DDX10: variants seen among roughly 807,000 people sequenced by gnomAD.
The protein encoded by DDX10 is probable ATP-dependent RNA helicase DDX10.
Under a neutral mutation model 104.3 loss-of-function variants are expected in DDX10, and 74 were observed. That is an observed-to-expected ratio of 0.71 (90% confidence interval 0.59 to 0.86). The LOEUF is 0.86. Ranked by LOEUF, DDX10 falls within the 40% of genes least tolerant of loss-of-function variation. The pLI, the probability that DDX10 is intolerant of heterozygous loss-of-function variation, is 0.00. For missense variants in DDX10, 952 were observed against 1,040.0 expected (o/e 0.92, Z 1.16); for synonymous variants, 351 against 353.4 (o/e 0.99, Z 0.08).
chr11:108,726,522 G>A (rs776636401), intron 13 of DDX10, among the ~76,000 whole-genome samples: 2 of 151,990 alleles, frequency 1.3e-5, no homozygotes, highest in South Asian at 2.1e-4. Context: ...TATAGAAATA[G>A]TTTGTTTTTT....
chr11:108,723,508 A>G lies in DDX10; in HGVS notation c.1965+46A>G, dbSNP rs147161077. ...GGGTCTTCTATTACATTGTCTTACT[A>G]TGTGCTTATTGTTGCCTTTTGGGGA... On this transcript the variant is annotated intron_variant, in intron 13 of 17. Transcript: ENST00000322536. The G allele has an allele frequency of 1.8e-3, 2,771 of 1,537,636 alleles. 43 individuals are homozygous for G. In the African/African-American group the frequency reaches 0.035, roughly 19 times the overall value.
At chr11:108,816,409 G>GT (rs1453678204) in intron 13 of DDX10, among the ~76,000 whole-genome samples, 1 of 152,064 alleles carries the variant, frequency 6.6e-6, no homozygotes, top group Non-Finnish European at 1.5e-5. Flanking sequence ...CCAAGAACCC[G>GT]TGAGTTTTCT....
chr11:108,756,491 CTATT>C (rs2094344619), intron 13 of DDX10, among the ~76,000 whole-genome samples: 1 of 152,010 alleles, frequency 6.6e-6, no homozygotes, highest in Non-Finnish European at 1.5e-5. Flanking sequence ...CTCCACTTAG[CTATT>C]TATTTAGCTT....
At chr11:108,831,159 A>G (rs1862464059) in intron 13 of DDX10, among the ~76,000 whole-genome samples, 1 of 152,198 alleles carries the variant, frequency 6.6e-6, no homozygotes, top group African/African-American at 2.4e-5. Flanking sequence ...TAATCCCAGC[A>G]CTTTGGGAGT....
At position 108,852,260 on chromosome 11, in the gene DDX10, A is replaced by G. The variant is rs768688460; in HGVS notation, c.2304+51A>G. On this transcript the variant is annotated intron_variant, in intron 16 of 17. Transcript: ENST00000322536. ...TCCAAGCTCTATTAAGGTAGAATGG[A>G]CAAAAGCATTTTATATTTTGGCAAG... 8.5e-6 allele frequency: 12 copies of G among 1,415,482 alleles called. No homozygotes were observed. In the Admixed American group the frequency reaches 2.2e-4, roughly 26 times the overall value. The allele number at this position is 1,415,482 out of a possible 1,614,324, so 87.7% of individuals were successfully genotyped here.
chr11:108,882,127 G>A (rs1863234938), intron 16 of DDX10, among the ~76,000 whole-genome samples: 1 of 152,092 alleles, frequency 6.6e-6, no homozygotes, highest in Non-Finnish European at 1.5e-5. Context: ...GGGGAAAAAA[G>A]AAAATTAGAA....
At chr11:108,719,767 T>C in intron 11 of DDX10, 30 bp from the exon 12 acceptor site, 2 of 1,336,756 alleles carry the variant, frequency 1.5e-6, no homozygotes, top group African/African-American at 1.5e-5. Flanking sequence ...ATTTCTATTA[T>C]ATTGTACTTT....
chr11:108,718,026 G>A (rs1485478948), intron 11 of DDX10, among the ~76,000 whole-genome samples: 1 of 152,140 alleles, frequency 6.6e-6, no homozygotes, highest in African/African-American at 2.4e-5. Flanking sequence ...TTAGCTGGGT[G>A]TGGTGGTGCA....
chr11:108,722,237 A>G (rs1346875858), intron 12 of DDX10, among the ~76,000 whole-genome samples: 1 of 152,194 alleles, frequency 6.6e-6, no homozygotes, highest in Non-Finnish European at 1.5e-5. Context: ...ATAGGAAAAG[A>G]GCAGTGGGTC....
chr11:108,837,978 A>G (rs1162850943), intron 13 of DDX10, among the ~76,000 whole-genome samples: 1 of 152,130 alleles, frequency 6.6e-6, no homozygotes, highest in East Asian at 1.9e-4. Flanking sequence ...GTAAATTACT[A>G]TAATTGGAAG....
At chr11:108,791,713 A>G (rs773855589) in intron 13 of DDX10, among the ~76,000 whole-genome samples, 2 of 152,266 alleles carry the variant, frequency 1.3e-5, no homozygotes, top group South Asian at 4.1e-4. Context: ...TTGTTTCTCT[A>G]CTAGTTTTGG....
intron 16 of DDX10, among the ~76,000 whole-genome samples, chr11:108,866,422 A>AGCTT (rs1441325178): frequency 6.6e-6 from 1 of 152,136 alleles, no homozygotes; most frequent in Admixed American, 6.5e-5. Flanking sequence ...GGGCTGGAGC[A>AGCTT]GCTTGGAAGG....
At chr11:108,672,502 G>T (rs1250316895) in intron 1 of DDX10, among the ~76,000 whole-genome samples, 1 of 152,212 alleles carries the variant, frequency 6.6e-6, no homozygotes, top group Non-Finnish European at 1.5e-5. Context: ...GATTTGTAGG[G>T]ATTAAGACAA....
At chr11:108,833,811 C>A (rs1862508723) in intron 13 of DDX10, among the ~76,000 whole-genome samples, 1 of 151,936 alleles carries the variant, frequency 6.6e-6, no homozygotes, top group African/African-American at 2.4e-5. Flanking sequence ...CTGATTTTTC[C>A]CCCTTCTTTC....
chr11:108,732,924 T>G (rs1302304938), intron 13 of DDX10, among the ~76,000 whole-genome samples: 2 of 152,192 alleles, frequency 1.3e-5, no homozygotes, highest in Non-Finnish European at 2.9e-5. Context: ...TTTCTTTTCT[T>G]TTTCAGTTTA....
rs1591809473 is a variant in DDX10, at chr11:108,752,722, A to C, written c.1965+29260A>C. Among the ~76,000 whole-genome samples the C allele has an allele frequency of 2.0e-5, 3 of 152,268 alleles. No homozygotes were observed. The East Asian group carries it at 5.8e-4, about 29-fold the overall frequency. On this transcript the variant is annotated intron_variant, in intron 13 of 17. Coordinates refer to ENST00000322536, the MANE Select transcript of DDX10 (RefSeq NM_004398.4). ...GAGGTGGTTTGTATTTGTCATATTC[A>C]TATTACATATACTTTGAAAGTTGGA...
chr11:108,856,763 C>T (rs1006113018), intron 16 of DDX10, among the ~76,000 whole-genome samples: 1 of 152,032 alleles, frequency 6.6e-6, no homozygotes, highest in Non-Finnish European at 1.5e-5. Flanking sequence ...TTTTTCTGAT[C>T]CATGAAATTG....
chr11:108,831,421 C>CAAAAAAAAAAA (rs779264219), intron 13 of DDX10, among the ~76,000 whole-genome samples: 1 of 69,826 alleles, frequency 1.4e-5, no homozygotes. Flanking sequence ...GAGACTGTCT[C>CAAAAAAAAAAA]AAAAAAAAAA....
chr11:108,929,189 A>C (rs752900817), intron 17 of DDX10, among the ~76,000 whole-genome samples: 4 of 152,202 alleles, frequency 2.6e-5, no homozygotes, highest in Non-Finnish European at 5.9e-5. Flanking sequence ...CCCCTCATAG[A>C]GCGTACGCTC....
Sources: allele counts gnomAD v4.1 joint callset (sites outside exome capture counted in the v4.1 genomes callset), GRCh38; gene constraint gnomAD v4.1.1; transcripts MANE v1.5; gene names NCBI Gene and HGNC (gene_info 2026-07-23, HGNC 2026-07-21).